The following SRPK2 variants were observed in gnomAD, a reference collection of about 807,000 sequenced individuals.
SRPK2 encodes SRSF protein kinase 2.
SRPK2 carries 21 observed loss-of-function variants against 90.8 expected under a neutral mutation model. The observed-to-expected ratio is 0.23, with a 90% CI of 0.16 to 0.33. The LOEUF is 0.33. Ranked by LOEUF, SRPK2 falls within the 10% of genes least tolerant of loss-of-function variation. SRPK2 has a pLI of 1.00. For synonymous variants in SRPK2, 288 were observed against 311.1 expected (o/e 0.93, Z 0.78); for missense variants, 620 against 869.0 (o/e 0.71, Z 3.60).
chr7:105,295,948 T>C (rs1809757896), intron 2 of SRPK2, among the ~76,000 whole-genome samples: 1 of 151,930 alleles, frequency 6.6e-6, no homozygotes, highest in African/African-American at 2.4e-5. Flanking sequence ...AGCAAATGAG[T>C]TCATGGTTTC....
rs1361227162 is a variant in SRPK2 at position 105,334,159 on chromosome 7, A to G, written c.71+54489T>C. Among the ~76,000 whole-genome samples the G allele has an allele frequency of 2.0e-5, 3 of 152,168 alleles. No homozygotes were observed. In the East Asian group the frequency reaches 5.8e-4, roughly 29 times the overall value. ...TGCAGTGGCGCAATCTCGGCTCACC[A>G]TAACCTCCATCTACTGGGTTCAAGC... On this transcript the variant is annotated intron_variant, in intron 2 of 15. Coordinates refer to ENST00000393651, the MANE Select transcript of SRPK2 (RefSeq NM_182692.3).
intron 3 of SRPK2, among the ~76,000 whole-genome samples, chr7:105,192,421 CCA>C (rs1000278822): frequency 2.0e-5 from 3 of 152,172 alleles, no homozygotes; most frequent in Non-Finnish European, 2.9e-5. Flanking sequence ...TCCACACACA[CCA>C]CAGTTTCTTT....
At chr7:105,354,012 G>A (rs568907608) in intron 2 of SRPK2, among the ~76,000 whole-genome samples, 21 of 152,310 alleles carry the variant, frequency 1.4e-4, no homozygotes, top group South Asian at 1.2e-3. Context: ...CAGATGCAGC[G>A]TTCAGGCCAG....
intron 10 of SRPK2, 37 bp from the exon 11 acceptor site, chr7:105,142,527 A>G: frequency 6.4e-7 from 1 of 1,567,222 alleles, no homozygotes; most frequent in Non-Finnish European, 8.6e-7. Flanking sequence ...AGAACTTGTT[A>G]CTCTCCTTAA....
chr7:105,288,415 G>A (rs531251943), intron 2 of SRPK2, among the ~76,000 whole-genome samples: 1 of 152,132 alleles, frequency 6.6e-6, no homozygotes, highest in East Asian at 1.9e-4. Context: ...CCAACACAGT[G>A]AACCCTATCT....
rs772745182 is a variant in SRPK2 at position 105,142,440 on chromosome 7, C to T, written c.1111G>A (p.Glu371Lys). The T allele has an allele frequency of 6.2e-7, 1 of 1,613,044 alleles. No individual in the cohort carries two copies. Among genetic ancestry groups the T allele is most frequent in the Non-Finnish European group, 8.5e-7 (1 of 1,179,768 alleles). ...EKEDAEKENI[E>K]KDEDDVDQEL... ...TGATCTACATCATCTTCATCTTTTT[C>T]AATGTTTTCTTTCTCAGCATCTTCT... The change falls in exon 11 of 16, where the codon GAA (glutamate) becomes AAA (lysine). Residue 371 changes from glutamate to lysine, a missense_variant. Physicochemically the swap from Glu to Lys is moderately conservative, Grantham distance 56. Around this residue, in one of 8 missense-constraint regions of SRPK2, gnomAD observed 243 missense variants for 245.7 expected, o/e 0.99. Coordinates refer to ENST00000393651, the MANE Select transcript of SRPK2 (RefSeq NM_182692.3).
At chr7:105,144,697 C>T (rs1199313494) in intron 9 of SRPK2, among the ~76,000 whole-genome samples, 1 of 152,140 alleles carries the variant, frequency 6.6e-6, no homozygotes, top group Non-Finnish European at 1.5e-5. Flanking sequence ...AATAAAAATA[C>T]TTCAACTCCA....
chr7:105,133,204 G>A, intron 11 of SRPK2, 100 bp from the exon 12 acceptor site: 1 of 1,072,988 alleles, frequency 9.3e-7, no homozygotes. Flanking sequence ...CTCAAGAGTA[G>A]TGGAATGATC....
chr7:105,176,725 GTA>G lies in SRPK2; in HGVS notation c.230-7462_230-7461del, dbSNP rs199778079. ...TGTATGTGTATGTGTGTGTGTGTGTGTATGTATGTATGTATGTGTGTATATGT... is the reference window on the plus strand; with the variant it reads ...TGTATGTGTATGTGTGTGTGTGTGTGTGTATGTATGTATGTGTGTATATGT... On this transcript the variant is annotated intron_variant, in intron 3 of 15. Transcript: ENST00000393651. Among the ~76,000 whole-genome samples, 133 of 61,632 alleles carry G rather than the reference GTA, an allele frequency of 2.2e-3. 1 individual carries two copies. Among genetic ancestry groups the G allele is most frequent in the Middle Eastern group, 8.5e-3 (1 of 118 alleles). 40.4% of individuals were successfully genotyped at this position (61,632 alleles called of 152,430 possible). A position where few individuals can be genotyped will look rare whatever the true frequency, so the allele number is the denominator to read the frequency against.
Position 105,167,393 on chromosome 7 carries a change from T to C in SRPK2, c.498A>G (p.Ser166=), listed in dbSNP as rs1328307792. ...AAAGGATACGTATCCCATTCATGCC[T>C]GAAATCTTGAAGTCGTCAATGAGCT... ...VVQLIDDFKI[S]GMNGIHVCMV... is the part of the protein sequence containing the mutation. Residue 166 remains serine (S), a synonymous_variant, in exon 6 of 16, where the codon TCA becomes TCG. Coordinates refer to ENST00000393651, the MANE Select transcript of SRPK2 (RefSeq NM_182692.3). 12 of 1,613,548 alleles carry C rather than the reference T, an allele frequency of 7.4e-6. No individual in the cohort carries two copies. The highest frequency in any genetic ancestry group is 8.5e-6 in the Non-Finnish European group (10 of 1,179,604).
chr7:105,268,779 T>C (rs762522182), intron 2 of SRPK2: 7 of 1,584,162 alleles, frequency 4.4e-6, no homozygotes, highest in South Asian at 1.1e-5. Context: ...ACACCATTAA[T>C]TGTTCATGCA....
At chr7:105,289,390 C>G (rs2057883) in intron 2 of SRPK2, among the ~76,000 whole-genome samples, 91,606 of 152,080 alleles carry the variant, frequency 0.6, 28,544 homozygotes, top group South Asian at 0.75. Context: ...CAGGATATCA[C>G]AGGTTCAATT....
intron 2 of SRPK2, among the ~76,000 whole-genome samples, chr7:105,354,540 A>G (rs1354814706): frequency 6.6e-6 from 1 of 152,112 alleles, no homozygotes; most frequent in East Asian, 1.9e-4. Flanking sequence ...GCCTGGCACA[A>G]TTTACTGGGA....
intron 2 of SRPK2, among the ~76,000 whole-genome samples, chr7:105,213,119 G>A (rs1797054646): frequency 6.6e-6 from 1 of 152,206 alleles, no homozygotes; most frequent in African/African-American, 2.4e-5. Context: ...AAATACCTAA[G>A]GACAACTCTA....
At chr7:105,385,455 C>T (rs1821462036) in intron 2 of SRPK2, among the ~76,000 whole-genome samples, 2 of 152,052 alleles carry the variant, frequency 1.3e-5, no homozygotes, top group Admixed American at 6.6e-5. Context: ...GGATTACAGG[C>T]GTGAGCCACC....
chr7:105,233,093 AAGGAAGGAAGGAAGGAAGG>A (rs1799685526), intron 2 of SRPK2, among the ~76,000 whole-genome samples: 1 of 47,430 alleles, frequency 2.1e-5, no homozygotes, highest in Non-Finnish European at 4.0e-5. Context: ...GGAAGGAAAG[AAGGAAGGAAGGAAGGAAGG>A]AAGGAAGGAA....
At chr7:105,128,441 G>A (rs1584882726) in intron 13 of SRPK2, among the ~76,000 whole-genome samples, 1 of 152,050 alleles carries the variant, frequency 6.6e-6, no homozygotes, top group East Asian at 1.9e-4. Context: ...GAAGACAGTT[G>A]GGCCAATCCC....
At chr7:105,342,809 G>A (rs905342900) in intron 2 of SRPK2, among the ~76,000 whole-genome samples, 3 of 152,014 alleles carry the variant, frequency 2.0e-5, no homozygotes, top group Non-Finnish European at 2.9e-5. Context: ...AAACAGATAA[G>A]CTTCAAATAA....
intron 13 of SRPK2, among the ~76,000 whole-genome samples, chr7:105,131,099 C>T (rs570758909): frequency 3.9e-5 from 6 of 152,306 alleles, no homozygotes; most frequent in Middle Eastern, 3.4e-3. Context: ...CCACTACATC[C>T]GTGACTGCGT....
Sources: allele counts gnomAD v4.1 joint callset (sites outside exome capture counted in the v4.1 genomes callset), GRCh38; gene constraint gnomAD v4.1.1; regional missense constraint gnomAD v4.1.1; transcripts MANE v1.5; gene names NCBI Gene and HGNC (gene_info 2026-07-23, HGNC 2026-07-21).